The following RORA variants were observed in gnomAD, a reference collection of about 807,000 sequenced individuals.
The protein encoded by RORA is RAR related orphan receptor A.
RORA carries 7 observed loss-of-function variants against 69.5 expected under a neutral mutation model. The ratio of observed to expected loss-of-function variants is 0.10; its 90% confidence interval spans 0.06 to 0.19. The LOEUF (loss-of-function observed/expected upper bound fraction) is 0.19, where lower values mean the gene tolerates loss of function less well. Ranked by LOEUF, RORA falls within the 10% of genes least tolerant of loss-of-function variation. The probability of loss-of-function intolerance (pLI) is 1.00; values close to 1 mark genes in which losing one functional copy is unlikely to be tolerated. For synonymous variants in RORA, 261 were observed against 240.8 expected (o/e 1.08, Z -0.78); for missense variants, 457 against 663.0 (o/e 0.69, Z 3.41).
chr15:61,165,264 T>C (rs2079531413), intron 1 of RORA, among the ~76,000 whole-genome samples: 1 of 152,212 alleles, frequency 6.6e-6, no homozygotes, highest in South Asian at 2.1e-4. Flanking sequence ...GAAATATTTA[T>C]TGTGGCTGCA....
intron 2 of RORA, among the ~76,000 whole-genome samples, chr15:60,625,705 C>T (rs2140638023): frequency 6.6e-6 from 1 of 152,294 alleles, no homozygotes; most frequent in South Asian, 2.1e-4. Context: ...AAGATGCAGA[C>T]AGTGTGTACA....
At chr15:60,532,764 T>C (rs960924957) in intron 2 of RORA, among the ~76,000 whole-genome samples, 1 of 152,234 alleles carries the variant, frequency 6.6e-6, no homozygotes, top group Non-Finnish European at 1.5e-5. Flanking sequence ...TGCTGAGCTG[T>C]ATAGACAGGA....
intron 1 of RORA, among the ~76,000 whole-genome samples, chr15:61,206,098 C>A (rs1239831558): frequency 2.0e-5 from 3 of 152,156 alleles, no homozygotes; most frequent in Non-Finnish European, 4.4e-5. Flanking sequence ...GAGCTCCTAA[C>A]TATTGTGAAC....
chr15:60,519,494 G>C (rs1224945918), intron 3 of RORA, among the ~76,000 whole-genome samples: 2 of 152,152 alleles, frequency 1.3e-5, no homozygotes, highest in African/African-American at 4.8e-5. Flanking sequence ...TTGTTTTTCT[G>C]CTTCTCTTGT....
intron 1 of RORA, among the ~76,000 whole-genome samples, chr15:60,785,257 G>T (rs1485310475): frequency 1.3e-5 from 2 of 152,146 alleles, no homozygotes; most frequent in Non-Finnish European, 2.9e-5. Flanking sequence ...TTTCTAACAG[G>T]CTTGATCCAT....
chr15:60,893,488 TC>T (rs1367369372), intron 1 of RORA, among the ~76,000 whole-genome samples: 3 of 152,212 alleles, frequency 2.0e-5, no homozygotes, highest in Non-Finnish European at 4.4e-5. Flanking sequence ...CCCCTGACTT[TC>T]TATTTTCTTT....
intron 1 of RORA, among the ~76,000 whole-genome samples, chr15:60,967,691 G>T (rs773543936): frequency 2.1e-4 from 32 of 152,202 alleles, no homozygotes; most frequent in Non-Finnish European, 4.0e-4. Flanking sequence ...TCAGTGAGGT[G>T]CTTTTCCTGA....
intron 1 of RORA, among the ~76,000 whole-genome samples, chr15:60,701,531 C>G (rs1038511636): frequency 6.6e-6 from 1 of 152,202 alleles, no homozygotes; most frequent in African/African-American, 2.4e-5. Flanking sequence ...ACTGCCTCTG[C>G]TCTCCCCTGT....
Position 60,753,931 on chromosome 15 carries a change from C to T in RORA, c.167-75245G>A, listed in dbSNP as rs116173025. 3.4e-3 allele frequency among the ~76,000 whole-genome samples: 514 copies of T among 152,358 alleles called. 3 individuals are homozygous for T. Among genetic ancestry groups the T allele is most frequent in the African/African-American group, 0.012 (489 of 41,594 alleles). On this transcript the variant is annotated intron_variant, in intron 1 of 10. Coordinates refer to ENST00000335670, the MANE Select transcript of RORA (RefSeq NM_134261.3). Reference sequence around the variant, plus strand: ...GATACATGTGGAGCAAGTATTATTACTCCCACTGGACAGATGAAGAGACCA... The same window carrying T: ...GATACATGTGGAGCAAGTATTATTATTCCCACTGGACAGATGAAGAGACCA...
intron 1 of RORA, among the ~76,000 whole-genome samples, chr15:61,202,335 C>G (rs920474607): frequency 6.6e-6 from 1 of 152,118 alleles, no homozygotes; most frequent in Admixed American, 6.5e-5. Flanking sequence ...TTAATAGTTA[C>G]CTGCAGCATT....
At position 61,121,825 on chromosome 15, in the gene RORA, G is replaced by GA. The variant is rs369791069; in HGVS notation, c.166+107227dup. 7.1e-3 allele frequency among the ~76,000 whole-genome samples: 818 copies of GA among 115,580 alleles called. 7 individuals carry two copies. The highest frequency in any genetic ancestry group is 0.022 in the African/African-American group (758 of 33,798). The allele number at this position is 115,580 out of a possible 152,430, so 75.8% of individuals were successfully genotyped here. On this transcript the variant is annotated intron_variant, in intron 1 of 10. Transcript: ENST00000335670. ...GCCCTTAGCAATGTAACTGCCAAAA[G>GA]AAAAAAAAAAAATGACTTCCTATAA...
chr15:60,624,412 C>T (rs1442314479), intron 2 of RORA, among the ~76,000 whole-genome samples: 2 of 142,956 alleles, frequency 1.4e-5, no homozygotes, highest in Non-Finnish European at 3.0e-5. Flanking sequence ...GGACACGACC[C>T]GCTGATATAA....
At chr15:61,028,881 G>T (rs1468326068) in intron 1 of RORA, among the ~76,000 whole-genome samples, 1 of 152,192 alleles carries the variant, frequency 6.6e-6, no homozygotes, top group African/African-American at 2.4e-5. Flanking sequence ...CCACAGTATT[G>T]TATGATTCTA....
At chr15:61,077,011 T>C (rs12903172) in intron 1 of RORA, among the ~76,000 whole-genome samples, 45,824 of 151,688 alleles carry the variant, frequency 0.3, 7,810 homozygotes, top group Middle Eastern at 0.38. Context: ...TAATTCAGCA[T>C]GGAGAAGCAA....
At chr15:61,074,268 A>G (rs2078414028) in intron 1 of RORA, among the ~76,000 whole-genome samples, 1 of 152,216 alleles carries the variant, frequency 6.6e-6, no homozygotes, top group Non-Finnish European at 1.5e-5. Flanking sequence ...TGCAAGCCTA[A>G]AAGAACAAGA....
intron 1 of RORA, among the ~76,000 whole-genome samples, chr15:61,166,820 A>T (rs1028171359): frequency 6.6e-6 from 1 of 152,074 alleles, no homozygotes; most frequent in African/African-American, 2.4e-5. Context: ...CATGTTATCC[A>T]CAGCTACAAT....
At chr15:61,190,178 A>G (rs937481308) in intron 1 of RORA, among the ~76,000 whole-genome samples, 3 of 276 alleles carry the variant, frequency 0.011, no homozygotes, top group Non-Finnish European at 0.019. Flanking sequence ...TATTTGGTCC[A>G]GAAAAAAAAA....
chr15:60,490,637 CAA>C lies in RORA; in HGVS notation c.*6816_*6817del, dbSNP rs944551472. The stretch of plus-strand genomic sequence containing the variant: ...TGCTCAAGTTGAAGAAAGCAGTAAA[CAA>C]GAGATTGCATTTACATGCAGATGTC... On this transcript the variant is annotated 3_prime_UTR_variant, in exon 11 of 11. Transcript: ENST00000335670. The surrounding 1 kb of genome is among the most constrained non-coding windows in gnomAD (Gnocchi z 4.1). 9.9e-5 allele frequency: 15 copies of C among 152,202 alleles called. No individual in the cohort carries two copies. The highest frequency in any genetic ancestry group is 1.9e-4 in the East Asian group (1 of 5,186). 9.4% of individuals were successfully genotyped at this position (152,202 alleles called of 1,614,324 possible).
chr15:60,642,469 T>C (rs149786935), intron 2 of RORA, among the ~76,000 whole-genome samples: 261 of 152,300 alleles, frequency 1.7e-3, no homozygotes, highest in African/African-American at 5.9e-3. Context: ...AGAAATATAA[T>C]GAGCAGCTGC....
Sources: allele counts gnomAD v4.1 joint callset (sites outside exome capture counted in the v4.1 genomes callset), GRCh38; gene constraint gnomAD v4.1.1; non-coding constraint Gnocchi (gnomAD v3.1); transcripts MANE v1.5; gene names NCBI Gene and HGNC (gene_info 2026-07-23, HGNC 2026-07-21).